The following LYPLAL1 variants were observed in gnomAD, a reference collection of about 807,000 sequenced individuals.
LYPLAL1 encodes the protein lysophospholipase like 1.
Under a neutral mutation model 19.7 loss-of-function variants are expected in LYPLAL1, and 23 were observed. The ratio of observed to expected loss-of-function variants is 1.17; its 90% CI spans 0.84 to 1.65. The LOEUF (loss-of-function observed/expected upper bound fraction) is 1.65. LYPLAL1 is among the 40% of genes most tolerant of loss of function. LYPLAL1 has a pLI of 0.00. For synonymous variants in LYPLAL1, 119 were observed against 96.3 expected, an observed-to-expected ratio of 1.24 and a Z score of -1.38; for missense variants, 355 against 279.4, an observed-to-expected ratio of 1.27 and a Z score of -1.93.
chr1:219,430,821 G>C, the LYPLAL1 span, among the ~76,000 whole-genome samples: 1 of 152,068 alleles, frequency 6.6e-6, no homozygotes, highest in African/African-American at 2.4e-5. Context: ...TCTATATCTA[G>C]GTGTAGTTTT....
chr1:219,284,423 AC>A, the LYPLAL1 span, among the ~76,000 whole-genome samples: 2 of 152,120 alleles, frequency 1.3e-5, no homozygotes, highest in East Asian at 3.8e-4. Context: ...GGTGATGGAT[AC>A]CCCATTTGTC....
chr1:219,315,781 A>T, the LYPLAL1 span, among the ~76,000 whole-genome samples: 1 of 152,198 alleles, frequency 6.6e-6, no homozygotes, highest in Non-Finnish European at 1.5e-5. Context: ...ACAAATAAGG[A>T]AACAGCAAAA....
chr1:219,317,417 T>C, the LYPLAL1 span, among the ~76,000 whole-genome samples: 1 of 152,180 alleles, frequency 6.6e-6, no homozygotes, highest in East Asian at 1.9e-4. Flanking sequence ...TTTTTTTCTC[T>C]TTCTCTTCTG....
the LYPLAL1 span, among the ~76,000 whole-genome samples, chr1:219,255,415 G>A: frequency 6.6e-6 from 1 of 151,662 alleles, no homozygotes; most frequent in Non-Finnish European, 1.5e-5. Context: ...TTTATTTGTT[G>A]CAAGTATATA....
chr1:219,276,620 A>G, the LYPLAL1 span, among the ~76,000 whole-genome samples: 126 of 152,298 alleles, frequency 8.3e-4, no homozygotes, highest in African/African-American at 3.0e-3. Context: ...AAATTGTGCA[A>G]ATGTAATGAT....
chr1:219,247,183 T>C, the LYPLAL1 span, among the ~76,000 whole-genome samples: 1 of 152,210 alleles, frequency 6.6e-6, no homozygotes, highest in Non-Finnish European at 1.5e-5. Context: ...AAAATCAAAT[T>C]TTCATGATAA....
chr1:219,249,744 T>C, the LYPLAL1 span, among the ~76,000 whole-genome samples: 1 of 152,050 alleles, frequency 6.6e-6, no homozygotes, highest in Non-Finnish European at 1.5e-5. Flanking sequence ...TTGTTTTGCT[T>C]TAGTGGTATG....
At chr1:219,217,403 TGTGTGAGA>T (rs1395643109), downstream of LYPLAL1, among the ~76,000 whole-genome samples, 4 of 135,768 alleles carry the variant, frequency 2.9e-5, no homozygotes, top group Non-Finnish European at 6.7e-5. Context: ...TGTGTGTGTG[TGTGTGAGA>T]GATGGTTGTA....
intron 3 of LYPLAL1, chr1:219,193,477 C>T (rs558899606): frequency 2.9e-5 from 8 of 274,544 alleles, no homozygotes; most frequent in South Asian, 2.5e-4. Context: ...TTTTGAGACT[C>T]TTGTGGCAGT....
chr1:219,415,663 C>T, the LYPLAL1 span, among the ~76,000 whole-genome samples: 5 of 152,294 alleles, frequency 3.3e-5, no homozygotes, highest in African/African-American at 9.6e-5. Flanking sequence ...CAGTAACTTC[C>T]GGGTCATTGC....
chr1:219,300,828 C>T, the LYPLAL1 span, among the ~76,000 whole-genome samples: 1 of 152,026 alleles, frequency 6.6e-6, no homozygotes, highest in Non-Finnish European at 1.5e-5. Context: ...AGCCACCGTG[C>T]CCGGCCTATC....
At chr1:219,409,859 C>A in the LYPLAL1 span, 1 of 152,220 alleles carries the variant, frequency 6.6e-6, no homozygotes, top group Non-Finnish European at 1.5e-5. Flanking sequence ...GACAGACCAT[C>A]TAACTCCATT....
At chr1:219,279,206 C>T in the LYPLAL1 span, among the ~76,000 whole-genome samples, 2 of 152,142 alleles carry the variant, frequency 1.3e-5, no homozygotes, top group South Asian at 2.1e-4. Context: ...AATATTCTGA[C>T]TATGTGGGAA....
At chr1:219,399,103 TG>T in the LYPLAL1 span, among the ~76,000 whole-genome samples, 2 of 152,026 alleles carry the variant, frequency 1.3e-5, no homozygotes, top group East Asian at 1.9e-4. Context: ...CTAGTGGGTG[TG>T]GGGGTGCCTG....
the LYPLAL1 span, among the ~76,000 whole-genome samples, chr1:219,223,645 TGTTTTGTTCTGAAGAA>T: frequency 1.3e-5 from 2 of 152,166 alleles, no homozygotes; most frequent in Non-Finnish European, 2.9e-5. Flanking sequence ...GAATAGTGGA[TGTTTTGTTCTGAAGAA>T]ATCATATTTT....
chr1:219,360,411 T>C, the LYPLAL1 span, among the ~76,000 whole-genome samples: 1 of 152,206 alleles, frequency 6.6e-6, no homozygotes. Flanking sequence ...AAAATCTTTA[T>C]TGAAATTCGT....
downstream of LYPLAL1, among the ~76,000 whole-genome samples, chr1:219,216,187 ATAAT>A (rs1659283888): frequency 6.6e-6 from 1 of 152,070 alleles, no homozygotes; most frequent in Non-Finnish European, 1.5e-5. Flanking sequence ...TATATGGAAT[ATAAT>A]TATAGCAATT....
At chr1:219,336,008 C>G in the LYPLAL1 span, among the ~76,000 whole-genome samples, 1 of 150,238 alleles carries the variant, frequency 6.7e-6, no homozygotes, top group Admixed American at 6.6e-5. Flanking sequence ...GGTGACCAAA[C>G]AGAAAGACAT....
the LYPLAL1 span, among the ~76,000 whole-genome samples, chr1:219,246,274 T>C: frequency 1.3e-5 from 2 of 152,154 alleles, no homozygotes; most frequent in African/African-American, 2.4e-5. Flanking sequence ...AATCTTATTC[T>C]CTAGTGATAC....
Sources: allele counts gnomAD v4.1 joint callset (sites outside exome capture counted in the v4.1 genomes callset), GRCh38; gene constraint gnomAD v4.1.1; transcripts MANE v1.5; gene names NCBI Gene and HGNC (gene_info 2026-07-23, HGNC 2026-07-21).